Variants in PRKN observed in about 807,000 individuals in gnomAD.
PRKN encodes parkin RBR E3 ubiquitin protein ligase.
Under a neutral mutation model 59.5 loss-of-function variants are expected in PRKN, and 56 were observed. That is an observed-to-expected ratio of 0.94 (90% CI 0.76 to 1.18). The LOEUF (loss-of-function observed/expected upper bound fraction) is 1.18, where lower values mean the gene tolerates loss of function less well. Among genes scored for constraint, PRKN ranks in the 50% most tolerant of loss-of-function variants. The pLI, the probability that PRKN is intolerant of heterozygous loss-of-function variation, is 0.00. For synonymous variants in PRKN, 250 were observed against 222.1 expected (o/e 1.13, Z -1.12); for missense variants, 657 against 596.4 (o/e 1.10, Z -1.06).
chr6:162,727,332 G>A, intron 1 of PRKN: 2 of 391,490 alleles, frequency 5.1e-6, no homozygotes, highest in East Asian at 4.8e-5. Context: ...GGGCGGCGGC[G>A]GGGAGAAGGC....
chr6:162,567,986 G>C (rs562590600), intron 1 of PRKN, among the ~76,000 whole-genome samples: 19 of 152,146 alleles, frequency 1.2e-4, no homozygotes, highest in Non-Finnish European at 2.2e-4. Flanking sequence ...ACTCATTTTT[G>C]ACAAAAGTGC....
intron 7 of PRKN, among the ~76,000 whole-genome samples, chr6:161,600,636 T>C (rs1331018380): frequency 1.3e-5 from 2 of 152,214 alleles, no homozygotes; most frequent in African/African-American, 4.8e-5. Context: ...TGCAGATTGA[T>C]GCTACATCTC....
chr6:161,510,563 A>C (rs1778347514), intron 9 of PRKN, among the ~76,000 whole-genome samples: 1 of 152,164 alleles, frequency 6.6e-6, no homozygotes, highest in African/African-American at 2.4e-5. Flanking sequence ...TCCCTTACAA[A>C]GGTTGGTCTA....
At position 161,546,692 on chromosome 6, in the gene PRKN, T is replaced by C. The variant is rs1048853849; in HGVS notation, c.1083+2162A>G. ...AAGATGGAGCCCAACTCCCTTCCCT[T>C]TGAGAGTGAGCTGGATCTAGTATCT... On this transcript the variant is annotated intron_variant, in intron 9 of 11. Coordinates refer to ENST00000366898, the MANE Select transcript of PRKN (RefSeq NM_004562.3). The surrounding 1 kb of genome is among the most constrained non-coding windows in gnomAD (Gnocchi z 4.4). Among the ~76,000 whole-genome samples the C allele has an allele frequency of 2.0e-5, 3 of 152,058 alleles. No individual in the cohort carries two copies. The highest frequency in any genetic ancestry group is 6.6e-5 in the Admixed American group (1 of 15,254).
chr6:162,561,096 G>A (rs961850341), intron 1 of PRKN, among the ~76,000 whole-genome samples: 2 of 152,134 alleles, frequency 1.3e-5, no homozygotes, highest in African/African-American at 4.8e-5. Context: ...TCCATGGAGC[G>A]TGTCCAACTA....
chr6:161,943,996 G>A (rs1273886397), intron 6 of PRKN, among the ~76,000 whole-genome samples: 1 of 132,020 alleles, frequency 7.6e-6, no homozygotes, highest in Admixed American at 7.5e-5. Flanking sequence ...TGAGGAAGGA[G>A]CCTGAGGAAG....
At chr6:161,997,641 A>G (rs1250567663) in intron 5 of PRKN, among the ~76,000 whole-genome samples, 1 of 152,140 alleles carries the variant, frequency 6.6e-6, no homozygotes, top group Non-Finnish European at 1.5e-5. Context: ...GATATCAGGC[A>G]CCTGCTATTC....
At position 161,538,456 on chromosome 6, in the gene PRKN, G is replaced by A. The variant is rs894878430; in HGVS notation, c.1083+10398C>T. On this transcript the variant is annotated intron_variant, in intron 9 of 11. Transcript: ENST00000366898. The surrounding 1 kb of genome is among the most constrained non-coding windows in gnomAD (Gnocchi z 4.2). ...AAGGCCTGTATGGTAGGCTTGGATA[G>A]CTCTGCCAGGTGTACCTCCTAAGGA... is the stretch of plus-strand genomic sequence containing the variant. Among the ~76,000 whole-genome samples, 4 of 152,142 alleles carry A rather than the reference G, an allele frequency of 2.6e-5. No individual in the cohort carries two copies. The highest frequency in any genetic ancestry group is 9.7e-5 in the African/African-American group (4 of 41,420).
intron 1 of PRKN, among the ~76,000 whole-genome samples, chr6:162,471,076 ATTTATTTATTTAT>A (rs1562789150): frequency 5.4e-5 from 4 of 73,532 alleles, no homozygotes; most frequent in Non-Finnish European, 9.1e-5. Flanking sequence ...TCTATTTTTT[ATTTATTTATTTAT>A]TTTCATTTTT....
At chr6:161,811,548 CA>C (rs1173698777) in intron 6 of PRKN, among the ~76,000 whole-genome samples, 1 of 152,150 alleles carries the variant, frequency 6.6e-6, no homozygotes, top group Non-Finnish European at 1.5e-5. Flanking sequence ...GTAACATAAC[CA>C]TTGTCCCTTA....
chr6:162,415,496 C>T (rs539064249), intron 2 of PRKN, among the ~76,000 whole-genome samples: 1 of 152,182 alleles, frequency 6.6e-6, no homozygotes, highest in Non-Finnish European at 1.5e-5. Context: ...AGCTGTTCAA[C>T]ACTTAGTGAT....
chr6:161,841,217 G>C (rs1792972866), intron 6 of PRKN, among the ~76,000 whole-genome samples: 1 of 152,148 alleles, frequency 6.6e-6, no homozygotes. Context: ...AACCCATTAG[G>C]TGCACAGCAA....
chr6:162,070,639 T>C (rs1302209950), intron 4 of PRKN, among the ~76,000 whole-genome samples: 1 of 152,188 alleles, frequency 6.6e-6, no homozygotes, highest in Non-Finnish European at 1.5e-5. Flanking sequence ...AAGACAGTTT[T>C]TCCAGGGACC....
At chr6:161,855,805 C>T (rs1278187371) in intron 6 of PRKN, among the ~76,000 whole-genome samples, 3 of 152,156 alleles carry the variant, frequency 2.0e-5, no homozygotes, top group East Asian at 1.9e-4. Flanking sequence ...AAGAAAATTA[C>T]AGGCCAATTT....
intron 4 of PRKN, among the ~76,000 whole-genome samples, chr6:162,156,563 G>T (rs1330363454): frequency 6.6e-6 from 1 of 152,116 alleles, no homozygotes; most frequent in Admixed American, 6.5e-5. Flanking sequence ...GAGAAAGATG[G>T]AGGCCGGAAG....
rs1188810597 is a variant in PRKN, at chr6:161,445,006, T to G, written c.1084-58129A>C. Among the ~76,000 whole-genome samples the G allele has an allele frequency of 6.6e-6, 1 of 151,500 alleles. No homozygotes were observed. The highest frequency in any genetic ancestry group is 6.5e-5 in the Admixed American group (1 of 15,268). ...TGGCACAATATCTTTTTTTGTTTTT[T>G]TAATCTCTAGGTAACCAACCCCTGC... On this transcript the variant is annotated intron_variant, in intron 9 of 11. Transcript: ENST00000366898. The surrounding 1 kb of genome is among the most constrained non-coding windows in gnomAD (Gnocchi z 7.7).
In PRKN at chr6:162,352,117, G is replaced by C. The variant is rs138278075; in HGVS notation, c.172-89352C>G. 2.6e-5 allele frequency among the ~76,000 whole-genome samples: 4 copies of C among 152,218 alleles called. No homozygotes were observed. In the East Asian group the frequency reaches 5.8e-4, roughly 22 times the overall value. On this transcript the variant is annotated intron_variant, in intron 2 of 11. Coordinates refer to ENST00000366898, the MANE Select transcript of PRKN (RefSeq NM_004562.3). ...GTAATATTGACAGCGGGGTTCAAAA[G>C]GATTTGAGACATGGACTTCACAAAC...
chr6:162,114,231 T>G lies in PRKN; in HGVS notation c.535-60057A>C, dbSNP rs563411470. Reference sequence around the variant, plus strand: ...TTGGTTCCATATGAACTTTAAAGTATTGTTTTCCAATTCTGTGAAGAAAGT... The same window carrying G: ...TTGGTTCCATATGAACTTTAAAGTAGTGTTTTCCAATTCTGTGAAGAAAGT... On this transcript the variant is annotated intron_variant, in intron 4 of 11. Transcript: ENST00000366898. Among the ~76,000 whole-genome samples the G allele has an allele frequency of 7.2e-5, 11 of 151,826 alleles. No individual in the cohort carries two copies. The Middle Eastern group carries it at 0.01, about 141-fold the overall frequency.
chr6:161,450,771 G>A (rs1447191419), intron 9 of PRKN, among the ~76,000 whole-genome samples: 2 of 152,122 alleles, frequency 1.3e-5, no homozygotes, highest in African/African-American at 2.4e-5. Context: ...TAGCCAGGAT[G>A]GTCTCGACCT....
Sources: gnomAD v4.1 joint callset for allele counts (sites outside exome capture counted in the v4.1 genomes callset) on GRCh38, gnomAD v4.1.1 for gene constraint, Gnocchi (gnomAD v3.1) non-coding constraint, MANE v1.5 for transcripts, NCBI Gene and HGNC (gene_info 2026-07-23, HGNC 2026-07-21) for gene names.